Variants in IL15RA observed in about 807,000 individuals in gnomAD.
The protein encoded by IL15RA is interleukin 15 receptor subunit alpha.
Under a neutral mutation model 24.2 loss-of-function variants are expected in IL15RA, and 26 were observed. The observed-to-expected ratio is 1.07, with a 90% CI of 0.79 to 1.49. The LOEUF (loss-of-function observed/expected upper bound fraction) is 1.49, where lower values mean the gene tolerates loss of function less well. IL15RA is among the 40% of genes most tolerant of loss of function. The probability of loss-of-function intolerance (pLI) is 0.00; values close to 1 mark genes in which losing one functional copy is unlikely to be tolerated. For missense variants in IL15RA, 354 were observed against 356.4 expected, an observed-to-expected ratio of 0.99 and a Z score of 0.05; for synonymous variants, 166 against 157.6, an observed-to-expected ratio of 1.05 and a Z score of -0.40.
chr10:5,977,520 A>T lies in IL15RA; in HGVS notation c.-28T>A. ...CGGCAGCTCCACAGGACACCGCTGG[A>T]CTCCCCGGGCGAGCGCTGCCCAGGC... On this transcript the variant is annotated 5_prime_UTR_variant, in exon 1 of 7. Transcript: ENST00000379977. 7.6e-7 allele frequency: 1 copy of T among 1,320,228 alleles called. No individual in the cohort carries two copies. The highest frequency in any genetic ancestry group is 9.7e-7 in the Non-Finnish European group (1 of 1,035,372). 81.8% of individuals were successfully genotyped at this position (1,320,228 alleles called of 1,614,324 possible).
intron 6 of IL15RA, among the ~76,000 whole-genome samples, chr10:5,954,822 T>C (rs1050588250): frequency 7.2e-5 from 11 of 152,218 alleles, no homozygotes; most frequent in African/African-American, 1.9e-4. Context: ...AATTCTGTAG[T>C]TATTAATAGT....
chr10:5,960,503 G>A lies in IL15RA; in HGVS notation c.447C>T (p.Gly149=). The change falls in exon 4 of 7, where the codon GGC becomes GGT. Residue 149 remains glycine (G), a synonymous_variant. Coordinates refer to ENST00000379977, the MANE Select transcript of IL15RA (RefSeq NM_002189.4). The surrounding 1 kb of genome is among the most constrained non-coding windows in gnomAD (Gnocchi z 5.1). ...GTGATTTTGAAGGCATCAGCTGGGA[G>A]CCCGGGACAATAGCTGCTGTTGTGG... ...TAATTAAIVP[G]SQLMPSKSPS... 6.2e-7 allele frequency: 1 copy of A among 1,614,174 alleles called. No homozygotes were observed. The highest frequency in any genetic ancestry group is 8.5e-7 in the Non-Finnish European group (1 of 1,180,020).
In IL15RA at chr10:5,960,158, C is replaced by G. The variant is rs895433038; in HGVS notation, c.583+209G>C. Among the ~76,000 whole-genome samples the G allele has an allele frequency of 6.6e-6, 1 of 152,194 alleles. No individual in the cohort carries two copies. Among genetic ancestry groups the G allele is most frequent in the African/African-American group, 2.4e-5 (1 of 41,446 alleles). ...CTGTCACATCTTGGGGGGGTGTGGG[C>G]TTGCTTTTGCAGCTGCCCCAGCCAC... On this transcript the variant is annotated intron_variant, in intron 4 of 6. Transcript: ENST00000379977. The surrounding 1 kb of genome is among the most constrained non-coding windows in gnomAD (Gnocchi z 5.1).
Position 5,959,703 on chromosome 10 carries a change from G to C in IL15RA, c.616+51C>G, listed in dbSNP as rs771764388. ...TGGGCCAGGACCACCCAGCACCCTGGGACTGCGGTCACCCTGATCATAAAC... is the reference window on the plus strand; with the variant it reads ...TGGGCCAGGACCACCCAGCACCCTGCGACTGCGGTCACCCTGATCATAAAC... On this transcript the variant is annotated intron_variant, in intron 5 of 6. Transcript: ENST00000379977. The surrounding 1 kb of genome is among the most constrained non-coding windows in gnomAD (Gnocchi z 4.1). The C allele has an allele frequency of 1.9e-6, 3 of 1,578,894 alleles. No individual in the cohort carries two copies. Among genetic ancestry groups the C allele is most frequent in the Non-Finnish European group, 2.6e-6 (3 of 1,149,582 alleles).
chr10:5,966,178 C>T lies in IL15RA; in HGVS notation c.250G>A (p.Ala84Thr), dbSNP rs141068457. Residue 84 changes from alanine (A) to threonine (T), a missense_variant, in exon 2 of 7, where the codon GCC becomes ACC. By Grantham distance (58) the Ala-to-Thr change is moderately conservative. Coordinates refer to ENST00000379977, the MANE Select transcript of IL15RA (RefSeq NM_002189.4). This position sits in a 1 kb window ranked among gnomAD's most constrained non-coding sequence, Gnocchi z 6.4. ...ECVLNKATNV[A>T]HWTTPSLKCI... is the part of the protein sequence containing the mutation. The stretch of plus-strand genomic sequence containing the variant: ...TTGAGACTGGGGGTTGTCCAGTGGG[C>T]GACATTCGTGGCCTTGTTCAACACG... 121 of 1,611,832 alleles carry T rather than the reference C, an allele frequency of 7.5e-5. No homozygotes were observed. The highest frequency in any genetic ancestry group is 8.1e-5 in the Non-Finnish European group (95 of 1,178,206).
At chr10:5,949,468 G>T (rs537924248), downstream of IL15RA, among the ~76,000 whole-genome samples, 1 of 152,234 alleles carries the variant, frequency 6.6e-6, no homozygotes, top group South Asian at 2.1e-4. The surrounding 1 kb of genome is among the most constrained non-coding windows in gnomAD (Gnocchi z 4.4). Context: ...GATTTGGGTC[G>T]GGCTGGTCCT....
intron 5 of IL15RA, among the ~76,000 whole-genome samples, chr10:5,957,086 A>AGGTGT (rs1444196111): frequency 6.7e-6 from 1 of 150,170 alleles, no homozygotes. Flanking sequence ...CAGCCTTCTG[A>AGGTGT]GTAGCTGGGA....
rs201871586 is a variant in IL15RA at position 5,960,507 on chromosome 10, G to A, written c.443C>T (p.Pro148Leu). 458 of 1,614,156 alleles carry A rather than the reference G, an allele frequency of 2.8e-4. 1 individual carries two copies. Among genetic ancestry groups the A allele is most frequent in the Non-Finnish European group, 3.7e-4 (439 of 1,180,008 alleles). The change falls in exon 4 of 7, where the codon CCG becomes CTG. Residue 148 changes from proline (P) to leucine (L), a missense_variant. Pro to Leu is a moderately conservative substitution (Grantham distance 98). Transcript: ENST00000379977. This position sits in a 1 kb window ranked among gnomAD's most constrained non-coding sequence, Gnocchi z 5.1. Reference sequence around the variant, plus strand: ...TTTTGAAGGCATCAGCTGGGAGCCCGGGACAATAGCTGCTGTTGTGGCCGC... The same window carrying A: ...TTTTGAAGGCATCAGCTGGGAGCCCAGGACAATAGCTGCTGTTGTGGCCGC... ...NTAATTAAIV[P>L]GSQLMPSKSP...
Position 5,975,808 on chromosome 10 carries a change from G to C in IL15RA, c.88+1597C>G, listed in dbSNP as rs1024593988. Among the ~76,000 whole-genome samples the C allele has an allele frequency of 3.3e-5, 5 of 152,122 alleles. No homozygotes were observed. Among genetic ancestry groups the C allele is most frequent in the African/African-American group, 4.8e-5 (2 of 41,410 alleles). ...CTCAGGAGGCTGAGGCAGCAGAATC[G>C]CTTGAACCCAGGAGGCGGAGGTTGC... is the stretch of plus-strand genomic sequence containing the variant. On this transcript the variant is annotated intron_variant, in intron 1 of 6. Transcript: ENST00000379977. The surrounding 1 kb of genome is among the most constrained non-coding windows in gnomAD (Gnocchi z 4.8).
rs1836046848 is a variant in IL15RA at position 5,963,981 on chromosome 10, T to A, written c.284-140A>T. The A allele has an allele frequency of 3.4e-6, 2 of 580,236 alleles. No individual in the cohort carries two copies. The highest frequency in any genetic ancestry group is 6.1e-6 in the Non-Finnish European group (2 of 328,724). The allele number at this position is 580,236 out of a possible 1,614,324, so 35.9% of individuals were successfully genotyped here. ...GGCTTCCTCAGACAGGTTAAAAGCA[T>A]AAGAAACAATGTTTCCCCACCCGAA... On this transcript the variant is annotated intron_variant, in intron 2 of 6. Transcript: ENST00000379977. The surrounding 1 kb of genome is among the most constrained non-coding windows in gnomAD (Gnocchi z 5.3).
rs945023137 is a variant in IL15RA at position 5,960,114 on chromosome 10, G to A, written c.583+253C>T. Among the ~76,000 whole-genome samples, 1 of 152,198 alleles carries A rather than the reference G, an allele frequency of 6.6e-6. No individual in the cohort carries two copies. Among genetic ancestry groups the A allele is most frequent in the African/African-American group, 2.4e-5 (1 of 41,462 alleles). ...CTCCCAGCTGCACAGGCTCTGCCAT[G>A]CGGGTGATAAGGCTGGCCCTGTCAC... On this transcript the variant is annotated intron_variant, in intron 4 of 6. Transcript: ENST00000379977. The surrounding 1 kb of genome is among the most constrained non-coding windows in gnomAD (Gnocchi z 5.1).
chr10:5,977,550 G>A, upstream of IL15RA: 1 of 1,276,346 alleles, frequency 7.8e-7, no homozygotes, highest in Non-Finnish European at 9.9e-7. Context: ...CCAGGCCGGG[G>A]GGAGGTGGCG....
chr10:5,974,127 G>A (rs1292268373), intron 1 of IL15RA, among the ~76,000 whole-genome samples: 1 of 152,158 alleles, frequency 6.6e-6, no homozygotes, highest in African/African-American at 2.4e-5. Flanking sequence ...AGCCTCCTGA[G>A]TAGCTGACAT....
chr10:5,956,637 C>G lies in IL15RA; in HGVS notation c.617-183G>C, dbSNP rs561204750. ...CTATGTCTAGGCAAAAACACATTCT[C>G]TTTCCTGCTGAGGGTGCCAGCTCCC... On this transcript the variant is annotated intron_variant, in intron 5 of 6. Coordinates refer to ENST00000379977, the MANE Select transcript of IL15RA (RefSeq NM_002189.4). 2.6e-5 allele frequency among the ~76,000 whole-genome samples: 4 copies of G among 152,366 alleles called. No homozygotes were observed. In the East Asian group the frequency reaches 7.7e-4, roughly 29 times the overall value.
chr10:5,951,192 G>A (rs984302974), downstream of IL15RA, among the ~76,000 whole-genome samples: 23 of 149,800 alleles, frequency 1.5e-4, no homozygotes, highest in African/African-American at 5.7e-4. Flanking sequence ...AGGTGTTGTG[G>A]TGTGTGCCTG....
rs1838650513 is a variant in IL15RA, at chr10:5,977,489, C to T, written c.4G>A (p.Ala2Thr). The T allele has an allele frequency of 1.5e-6, 2 of 1,355,588 alleles. No homozygotes were observed. Among genetic ancestry groups the T allele is most frequent in the Non-Finnish European group, 1.9e-6 (2 of 1,055,778 alleles). 84.0% of individuals were successfully genotyped at this position (1,355,588 alleles called of 1,614,324 possible). ...CGGCAGCCGCGCGCCCGCCGCGGGG[C>T]CATGGCGGCAGCTCCACAGGACACC... Reference protein sequence around the residue: MAPRRARGCRTL... With the variant: MTPRRARGCRTL... The change falls in exon 1 of 7, where the codon GCC (alanine) becomes ACC (threonine). Residue 2 changes from alanine (A) to threonine (T), a missense_variant. Coordinates refer to ENST00000379977, the MANE Select transcript of IL15RA (RefSeq NM_002189.4).
Position 5,963,088 on chromosome 10 carries a change from C to A in IL15RA, c.382+655G>T, listed in dbSNP as rs1835872220. On this transcript the variant is annotated intron_variant, in intron 3 of 6. Transcript: ENST00000379977. This position sits in a 1 kb window ranked among gnomAD's most constrained non-coding sequence, Gnocchi z 5.3. ...GTCTCTCACATTTTTGCACATCTTG[C>A]AGACAGAGGAGCTGATGGCCCTTTC... Among the ~76,000 whole-genome samples the A allele has an allele frequency of 6.6e-6, 1 of 152,176 alleles. No homozygotes were observed. The highest frequency in any genetic ancestry group is 1.5e-5 in the Non-Finnish European group (1 of 68,044).
rs1483817284 is a variant in IL15RA at position 5,962,167 on chromosome 10, G to A, written c.382+1576C>T. Among the ~76,000 whole-genome samples, 1 of 152,192 alleles carries A rather than the reference G, an allele frequency of 6.6e-6. No individual in the cohort carries two copies. The highest frequency in any genetic ancestry group is 2.4e-5 in the African/African-American group (1 of 41,438). On this transcript the variant is annotated intron_variant, in intron 3 of 6. Transcript: ENST00000379977. The surrounding 1 kb of genome is among the most constrained non-coding windows in gnomAD (Gnocchi z 5.2). Reference sequence around the variant, plus strand: ...TGTGACTCAGATCAAAGGGGTTGTAGAATTACTTCAAGTTTAAATGGAGCC... The same window carrying A: ...TGTGACTCAGATCAAAGGGGTTGTAAAATTACTTCAAGTTTAAATGGAGCC...
In IL15RA at chr10:5,963,996, C is replaced by T. The variant is rs530660385; in HGVS notation, c.284-155G>A. ...GTTAAAAGCATAAGAAACAATGTTTCCCCACCCGAATGCAAAGATAGACTG... is the reference window on the plus strand; with the variant it reads ...GTTAAAAGCATAAGAAACAATGTTTTCCCACCCGAATGCAAAGATAGACTG... On this transcript the variant is annotated intron_variant, in intron 2 of 6. Transcript: ENST00000379977. This position sits in a 1 kb window ranked among gnomAD's most constrained non-coding sequence, Gnocchi z 5.3. 6.6e-6 allele frequency among the ~76,000 whole-genome samples: 1 copy of T among 152,290 alleles called. No individual in the cohort carries two copies. Among genetic ancestry groups the T allele is most frequent in the African/African-American group, 2.4e-5 (1 of 41,558 alleles).
Sources: allele counts gnomAD v4.1 joint callset (sites outside exome capture counted in the v4.1 genomes callset), GRCh38; gene constraint gnomAD v4.1.1; non-coding constraint Gnocchi (gnomAD v3.1); transcripts MANE v1.5; gene names NCBI Gene and HGNC (gene_info 2026-07-23, HGNC 2026-07-21).